PXDN: variants seen among roughly 807,000 people sequenced by gnomAD.
The protein encoded by PXDN is peroxidasin.
Under a neutral mutation model 140.3 loss-of-function variants are expected in PXDN, and 77 were observed. The ratio of observed to expected loss-of-function variants is 0.55; its 90% CI spans 0.46 to 0.66. The LOEUF (loss-of-function observed/expected upper bound fraction) is 0.66, where lower values mean the gene tolerates loss of function less well. Among genes scored for constraint, PXDN ranks in the 30% least tolerant of loss-of-function variants. PXDN has a pLI of 0.00. For missense variants in PXDN, 1,838 were observed against 2,039.5 expected, an observed-to-expected ratio of 0.90 and a Z score of 1.90; for synonymous variants, 911 against 857.4, an observed-to-expected ratio of 1.06 and a Z score of -1.09.
intron 4 of PXDN, among the ~76,000 whole-genome samples, chr2:1,684,614 T>C (rs1684007099): frequency 6.6e-6 from 1 of 152,176 alleles, no homozygotes; most frequent in Non-Finnish European, 1.5e-5. Flanking sequence ...TATTATCAGA[T>C]ACAAAGATAT....
At chr2:1,692,941 C>T (rs945083658) in intron 2 of PXDN, 122 bp downstream of exon 2, 2 of 949,942 alleles carry the variant, frequency 2.1e-6, no homozygotes, top group African/African-American at 1.6e-5. Context: ...TCCAGCCTCA[C>T]TTTCCTGCTC....
chr2:1,674,009 T>A (rs933678366), intron 8 of PXDN, among the ~76,000 whole-genome samples, 197 bp from the exon 9 acceptor site: 1 of 152,218 alleles, frequency 6.6e-6, no homozygotes, highest in Non-Finnish European at 1.5e-5. Context: ...TTTGCACATC[T>A]CATTCACTCA....
chr2:1,692,054 G>C (rs907776699), intron 2 of PXDN, 55 bp from the exon 3 acceptor site: 19 of 1,299,348 alleles, frequency 1.5e-5, no homozygotes, highest in Non-Finnish European at 1.9e-5. Flanking sequence ...AAACTTCGAA[G>C]TTGTGTTAAA....
rs527794938 is a variant in PXDN at position 1,639,232 on chromosome 2, G to C, written c.4073+70C>G. The C allele has an allele frequency of 6.4e-7, 1 of 1,555,618 alleles. No individual in the cohort carries two copies. The highest frequency in any genetic ancestry group is 2.4e-5 in the East Asian group (1 of 41,798). Reference sequence around the variant, plus strand: ...CGCCACAGGCCCACAGCAGGATGCCGGTCCTACTGCCCGACGCCCGCGGTG... The same window carrying C: ...CGCCACAGGCCCACAGCAGGATGCCCGTCCTACTGCCCGACGCCCGCGGTG... On this transcript the variant is annotated intron_variant, in intron 20 of 22. Coordinates refer to ENST00000252804, the MANE Select transcript of PXDN (RefSeq NM_012293.3). This position sits in a 1 kb window ranked among gnomAD's most constrained non-coding sequence, Gnocchi z 5.0.
At chr2:1,640,669 A>G (rs1210492110) in intron 19 of PXDN, among the ~76,000 whole-genome samples, 2 of 151,670 alleles carry the variant, frequency 1.3e-5, no homozygotes, top group African/African-American at 4.8e-5. Flanking sequence ...GTTTCTTAAA[A>G]CTCCTGGGCA....
intron 12 of PXDN, 50 bp downstream of exon 12, chr2:1,663,555 G>C (rs1683355593): frequency 6.3e-7 from 1 of 1,598,084 alleles, no homozygotes; most frequent in African/African-American, 1.3e-5. Context: ...TGTGTTTCCT[G>C]ATAACCGATC....
At position 1,687,696 on chromosome 2, in the gene PXDN, A is replaced by G; in HGVS notation, c.352T>C (p.Tyr118His). ...TCAATTGACTGGATCTCATTCTTGT[A>G]CAGATAGCTGAAACAAGAAACATTG... ...DLENLKYLYL[Y>H]KNEIQSIDRQ... The change falls in exon 4 of 23, where the codon TAC becomes CAC. Residue 118 changes from tyrosine to histidine, a missense_variant. Transcript: ENST00000252804. The surrounding 1 kb of genome is among the most constrained non-coding windows in gnomAD (Gnocchi z 4.0). 6.6e-7 allele frequency: 1 copy of G among 1,520,646 alleles called. No homozygotes were observed. Among genetic ancestry groups the G allele is most frequent in the African/African-American group, 1.4e-5 (1 of 73,114 alleles). 94.2% of individuals were successfully genotyped at this position (1,520,646 alleles called of 1,614,324 possible).
At chr2:1,646,949 G>A (rs1682862073) in intron 17 of PXDN, among the ~76,000 whole-genome samples, 2 of 152,016 alleles carry the variant, frequency 1.3e-5, no homozygotes, top group South Asian at 4.1e-4. Flanking sequence ...AGGCTGGAGT[G>A]CAGTAGCGTG....
rs1400580872 is a variant in PXDN, at chr2:1,720,177, GAGAGAGATGCAC to G, written c.200+24067_200+24078del. Among the ~76,000 whole-genome samples, 12 of 78,822 alleles carry G rather than the reference GAGAGAGATGCAC, an allele frequency of 1.5e-4. 1 individual carries two copies. The highest frequency in any genetic ancestry group is 2.2e-4 in the Non-Finnish European group (9 of 40,174). The allele number at this position is 78,822 out of a possible 152,430, so 51.7% of individuals were successfully genotyped here. A position where few individuals can be genotyped will look rare whatever the true frequency, so the allele number is the denominator to read the frequency against. ...AGAGAGGGAGGGAGGGATGCAGAGA[GAGAGAGATGCAC>G]AGAGAGAGGGAGGGATGCAGAGAGA... On this transcript the variant is annotated intron_variant, in intron 1 of 22. Coordinates refer to ENST00000252804, the MANE Select transcript of PXDN (RefSeq NM_012293.3).
At chr2:1,709,892 T>C (rs1684712664) in intron 1 of PXDN, among the ~76,000 whole-genome samples, 1 of 152,198 alleles carries the variant, frequency 6.6e-6, no homozygotes, top group African/African-American at 2.4e-5. Flanking sequence ...TCTGCTGGCA[T>C]CTTTGATCTC....
At chr2:1,653,527 A>G in intron 16 of PXDN, 101 bp downstream of exon 16, 1 of 1,469,776 alleles carries the variant, frequency 6.8e-7, no homozygotes, top group South Asian at 1.2e-5. Context: ...ACAGTGGGAA[A>G]GAAAATGCTG....
chr2:1,710,009 T>C (rs1221245235), intron 1 of PXDN, among the ~76,000 whole-genome samples: 5 of 152,168 alleles, frequency 3.3e-5, no homozygotes, highest in Non-Finnish European at 7.3e-5. Flanking sequence ...CAGCACACAC[T>C]GTCTCCAAGC....
intron 1 of PXDN, among the ~76,000 whole-genome samples, chr2:1,698,579 T>A (rs879828031): frequency 2.0e-5 from 3 of 152,220 alleles, no homozygotes; most frequent in Non-Finnish European, 4.4e-5. Context: ...AGGTAATTTG[T>A]CTAAAGTCAG....
chr2:1,690,648 C>CAAA lies in PXDN; in HGVS notation c.344+1277_344+1279dup, dbSNP rs35970382. On this transcript the variant is annotated intron_variant, in intron 3 of 22. Transcript: ENST00000252804. ...GGAACTTGCACAACATTCAAAATACCAAAAAAAAAAAAAAAAAAAAAAAGG... is the reference window on the plus strand; with the variant it reads ...GGAACTTGCACAACATTCAAAATACCAAAAAAAAAAAAAAAAAAAAAAAAAAGG... Among the ~76,000 whole-genome samples, 181 of 68,608 alleles carry CAAA rather than the reference C, an allele frequency of 2.6e-3. 1 individual carries two copies. Among genetic ancestry groups the CAAA allele is most frequent in the African/African-American group, 6.7e-3 (118 of 17,694 alleles). 45.0% of individuals were successfully genotyped at this position (68,608 alleles called of 152,430 possible).
Position 1,634,080 on chromosome 2 carries a change from G to T in PXDN, c.*124C>A. The T allele has an allele frequency of 7.1e-7, 1 of 1,408,660 alleles. No homozygotes were observed. Among genetic ancestry groups the T allele is most frequent in the Non-Finnish European group, 9.6e-7 (1 of 1,045,024 alleles). The allele number at this position is 1,408,660 out of a possible 1,614,324, so 87.3% of individuals were successfully genotyped here. A position where few individuals can be genotyped will look rare whatever the true frequency, so the allele number is the denominator to read the frequency against. On this transcript the variant is annotated 3_prime_UTR_variant, in exon 23 of 23. Coordinates refer to ENST00000252804, the MANE Select transcript of PXDN (RefSeq NM_012293.3). ...ACTGCCTTCTGTAACAGCACCAGCT[G>T]GACGTTGTCATGAAATGTCACGAGT...
rs74164529 is a variant in PXDN, at chr2:1,644,071, C to CAAAA, written c.3744-499_3744-496dup. 2.3e-4 allele frequency among the ~76,000 whole-genome samples: 9 copies of CAAAA among 38,446 alleles called. 2 individuals carry two copies. Among genetic ancestry groups the CAAAA allele is most frequent in the Non-Finnish European group, 2.9e-4 (7 of 24,140 alleles). The allele number at this position is 38,446 out of a possible 152,430, so 25.2% of individuals were successfully genotyped here. On this transcript the variant is annotated intron_variant, in intron 18 of 22. Coordinates refer to ENST00000252804, the MANE Select transcript of PXDN (RefSeq NM_012293.3). ...TGGGTGACAGAGCAAGACTCTGTCT[C>CAAAA]AAAAAAAAAAAAAAAAAAAAAAAAA...
Position 1,639,691 on chromosome 2 carries a change from G to A in PXDN, c.3953-269C>T, listed in dbSNP as rs1230584404. On this transcript the variant is annotated intron_variant, in intron 19 of 22. Transcript: ENST00000252804. The surrounding 1 kb of genome is among the most constrained non-coding windows in gnomAD (Gnocchi z 5.0). Reference sequence around the variant, plus strand: ...TGGGCACACTGAGGAGGCTCACCACGCCATCTAACCACACCCTCGCGGAGT... The same window carrying A: ...TGGGCACACTGAGGAGGCTCACCACACCATCTAACCACACCCTCGCGGAGT... 1.3e-5 allele frequency among the ~76,000 whole-genome samples: 2 copies of A among 152,264 alleles called. No homozygotes were observed. Among genetic ancestry groups the A allele is most frequent in the East Asian group, 1.9e-4 (1 of 5,162 alleles).
Position 1,662,136 on chromosome 2 carries a change from C to T in PXDN, c.1616G>A (p.Gly539Asp). ...GCTGCACGGGAGCTGCACATTGGCG[C>T]CCACCTCCACTGTTGTGTCGCTGGG... is the stretch of plus-strand genomic sequence containing the variant. The part of the protein sequence containing the change: ...SIPSDTTVEV[G>D]ANVQLPCSSQ... Residue 539 changes from glycine (G) to aspartate (D), a missense_variant, in exon 13 of 23, where the codon GGC (glycine) becomes GAC (aspartate). Coordinates refer to ENST00000252804, the MANE Select transcript of PXDN (RefSeq NM_012293.3). 1 of 1,596,156 alleles carries T rather than the reference C, an allele frequency of 6.3e-7. No individual in the cohort carries two copies. Among genetic ancestry groups the T allele is most frequent in the Non-Finnish European group, 8.5e-7 (1 of 1,171,608 alleles).
chr2:1,717,553 G>A (rs1030866077), intron 1 of PXDN, among the ~76,000 whole-genome samples: 36 of 152,058 alleles, frequency 2.4e-4, no homozygotes, highest in Non-Finnish European at 4.4e-4. Flanking sequence ...CCTAATAGAT[G>A]AAAAGAATCA....
Sources: gnomAD v4.1 joint callset for allele counts (sites outside exome capture counted in the v4.1 genomes callset) on GRCh38, gnomAD v4.1.1 for gene constraint, Gnocchi (gnomAD v3.1) non-coding constraint, MANE v1.5 for transcripts, NCBI Gene and HGNC (gene_info 2026-07-23, HGNC 2026-07-21) for gene names.